Variants in SHPRH observed in about 807,000 individuals in gnomAD.
SHPRH encodes the protein E3 ubiquitin-protein ligase SHPRH.
A neutral mutation model predicts 202.5 loss-of-function variants in SHPRH; 106 were observed. That is an observed-to-expected ratio of 0.52 (90% CI 0.45 to 0.62). The LOEUF (loss-of-function observed/expected upper bound fraction) is 0.62, where lower values mean the gene tolerates loss of function less well. Among genes scored for constraint, SHPRH ranks in the 20% least tolerant of loss-of-function variants. The probability of loss-of-function intolerance (pLI) is 0.00; values close to 1 mark genes in which losing one functional copy is unlikely to be tolerated. For missense variants in SHPRH, 1,710 were observed against 2,020.0 expected, an observed-to-expected ratio of 0.85 and a Z score of 2.94; for synonymous variants, 729 against 686.0, an observed-to-expected ratio of 1.06 and a Z score of -0.98.
At chr6:145,945,761 G>T in intron 7 of SHPRH, 124 bp from the exon 8 acceptor site, 1 of 1,028,038 alleles carries the variant, frequency 9.7e-7, no homozygotes, top group South Asian at 2.4e-5. Context: ...ATTTATTACA[G>T]CAGAGTGCCA....
intron 20 of SHPRH, 86 bp downstream of exon 20, chr6:145,922,200 G>C: frequency 6.1e-6 from 7 of 1,142,348 alleles, no homozygotes; most frequent in Non-Finnish European, 8.8e-6. Context: ...GGTTACTGTG[G>C]GGGAAAACAT....
At chr6:145,878,196 TAC>T (rs1488099305) in intron 2 of SHPRH, among the ~76,000 whole-genome samples, 1 of 152,232 alleles carries the variant, frequency 6.6e-6, no homozygotes, top group Non-Finnish European at 1.5e-5. Flanking sequence ...GAGCAGAAAG[TAC>T]ACAGAGTTCT....
Position 145,955,171 on chromosome 6 carries a change from G to A in SHPRH, c.152C>T (p.Ser51Phe). The A allele has an allele frequency of 6.2e-7, 1 of 1,613,826 alleles. No individual in the cohort carries two copies. Among genetic ancestry groups the A allele is most frequent in the Non-Finnish European group, 8.5e-7 (1 of 1,179,960 alleles). ...EQPCPGSDTS[S>F]AHYIILSDSL... ...ATCACTTAGAATGATATAATGAGCA[G>A]AAGAGGTATCTGAACCTGGGCAGGG... The change falls in exon 2 of 30, where the codon TCT (serine) becomes TTT (phenylalanine). Residue 51 changes from serine to phenylalanine, a missense_variant. Transcript: ENST00000275233.
Position 145,933,277 on chromosome 6 carries a change from C to T in SHPRH, c.2991-99G>A, listed in dbSNP as rs554065602. 2.5e-5 allele frequency: 37 copies of T among 1,506,266 alleles called. No homozygotes were observed. The East Asian group carries it at 3.9e-4, about 16-fold the overall frequency. The allele number at this position is 1,506,266 out of a possible 1,614,324, so 93.3% of individuals were successfully genotyped here. On this transcript the variant is annotated intron_variant, in intron 13 of 29. Transcript: ENST00000275233. ...CACATGATCAAGAGTGTATGAGACT[C>T]GCAGTTTTTGTGGTATCTCTAGCAT...
chr6:145,891,940 A>G (rs1781602934), intron 28 of SHPRH, among the ~76,000 whole-genome samples: 1 of 152,190 alleles, frequency 6.6e-6, no homozygotes, highest in African/African-American at 2.4e-5. Flanking sequence ...CAAGTAAGAC[A>G]TGACTGCATT....
chr6:145,888,140 A>G lies in SHPRH; in HGVS notation c.4875-40T>C, dbSNP rs748476736. ...AGAATTTTAAGCTTAAAAACATAGT[A>G]AAACAAATCAGTACAAACCGACTTC... On this transcript the variant is annotated intron_variant, in intron 28 of 29. Coordinates refer to ENST00000275233, the MANE Select transcript of SHPRH (RefSeq NM_001042683.3). 2.3e-5 allele frequency: 33 copies of G among 1,455,750 alleles called. No homozygotes were observed. In the Admixed American group the frequency reaches 2.4e-4, roughly 11 times the overall value. 90.2% of individuals were successfully genotyped at this position (1,455,750 alleles called of 1,614,324 possible).
chr6:145,900,756 T>C (rs1782431305), intron 25 of SHPRH, among the ~76,000 whole-genome samples: 1 of 152,148 alleles, frequency 6.6e-6, no homozygotes, highest in Non-Finnish European at 1.5e-5. Context: ...ATCATCTCTG[T>C]ATTACTTACA....
chr6:145,961,609 C>A (rs559864575), intron 1 of SHPRH, among the ~76,000 whole-genome samples: 1 of 152,320 alleles, frequency 6.6e-6, no homozygotes, highest in East Asian at 1.9e-4. Context: ...TATCCAGTAT[C>A]TTTTAAATTA....
chr6:145,916,758 G>A (rs1215981260), intron 23 of SHPRH, among the ~76,000 whole-genome samples: 1 of 151,668 alleles, frequency 6.6e-6, no homozygotes, highest in African/African-American at 2.4e-5. Context: ...AAAAACTTAT[G>A]TTCAGGAATG....
At chr6:145,919,292 A>G in intron 22 of SHPRH, 56 bp downstream of exon 22, 2 of 1,605,556 alleles carry the variant, frequency 1.2e-6, no homozygotes, top group Non-Finnish European at 1.7e-6. Flanking sequence ...TATGGGTCTT[A>G]GATATCTGTG....
chr6:145,893,455 T>C lies in SHPRH; in HGVS notation c.4696-62A>G, dbSNP rs1016176790. On this transcript the variant is annotated intron_variant, in intron 27 of 29. Transcript: ENST00000275233. ...CAGTTAAAATAAGAGCAGTATGTAATAGCTCACTTTAAAGATGTCTAATGC... is the reference window on the plus strand; with the variant it reads ...CAGTTAAAATAAGAGCAGTATGTAACAGCTCACTTTAAAGATGTCTAATGC... 5 of 1,424,086 alleles carry C rather than the reference T, an allele frequency of 3.5e-6. No homozygotes were observed. In the South Asian group the frequency reaches 5.8e-5, roughly 17 times the overall value. 88.2% of individuals were successfully genotyped at this position (1,424,086 alleles called of 1,614,324 possible).
At chr6:145,927,564 G>C (rs989566311) in intron 14 of SHPRH, among the ~76,000 whole-genome samples, 1 of 151,590 alleles carries the variant, frequency 6.6e-6, no homozygotes, top group East Asian at 1.9e-4. Context: ...AATGTTTTGA[G>C]ATTATGCTAT....
chr6:145,893,019 A>T (rs950590055), intron 28 of SHPRH, among the ~76,000 whole-genome samples, 196 bp downstream of exon 28: 24 of 151,976 alleles, frequency 1.6e-4, no homozygotes, highest in African/African-American at 5.8e-4. Context: ...GAGGGTTGGA[A>T]ATCTCATGCC....
At chr6:145,862,106 AAC>A (rs986101822), downstream of SHPRH, among the ~76,000 whole-genome samples, 1 of 152,190 alleles carries the variant, frequency 6.6e-6, no homozygotes, top group Non-Finnish European at 1.5e-5. Flanking sequence ...GCCTATGAAT[AAC>A]AATACTGTAT....
intron 7 of SHPRH, 45 bp downstream of exon 7, chr6:145,946,188 A>G (rs777076756): frequency 7.0e-7 from 1 of 1,419,674 alleles, no homozygotes; most frequent in Non-Finnish European, 9.7e-7. Context: ...ACTCTAGCAA[A>G]GATCACTATA....
At chr6:145,960,082 T>C (rs1022914928) in intron 1 of SHPRH, among the ~76,000 whole-genome samples, 5 of 152,216 alleles carry the variant, frequency 3.3e-5, no homozygotes, top group Non-Finnish European at 4.4e-5. Flanking sequence ...TTTATTCTCA[T>C]AGATCTGCAC....
At chr6:145,931,314 T>A (rs1428897409) in intron 14 of SHPRH, among the ~76,000 whole-genome samples, 1 of 151,962 alleles carries the variant, frequency 6.6e-6, no homozygotes, top group Admixed American at 6.6e-5. Flanking sequence ...GCACCCTTTT[T>A]TCTTTTTTTT....
At chr6:145,948,437 G>A (rs1236517699) in intron 4 of SHPRH, 87 bp from the exon 5 acceptor site, 1 of 978,608 alleles carries the variant, frequency 1.0e-6, no homozygotes, top group Non-Finnish European at 1.5e-6. Context: ...TTAACAGTGA[G>A]GATACTCTGG....
chr6:145,955,402 T>C, intron 1 of SHPRH, 48 bp from the exon 2 acceptor site: 1 of 1,477,094 alleles, frequency 6.8e-7, no homozygotes, highest in Non-Finnish European at 9.0e-7. Context: ...GATGATTTAG[T>C]ATTTAAGGGT....
Sources: gnomAD v4.1 joint callset for allele counts (sites outside exome capture counted in the v4.1 genomes callset) on GRCh38, gnomAD v4.1.1 for gene constraint, MANE v1.5 for transcripts, NCBI Gene and HGNC (gene_info 2026-07-23, HGNC 2026-07-21) for gene names.